Variants in PTGES3 observed in about 807,000 individuals in gnomAD.
PTGES3 encodes Hsp90 co-chaperone.
In PTGES3, 5 loss-of-function variants were observed where a neutral mutation model predicts 29.9. That is an observed-to-expected ratio of 0.17 (90% CI 0.09 to 0.35). The LOEUF is 0.35. Among genes scored for constraint, PTGES3 ranks in the 10% least tolerant of loss-of-function variants. PTGES3 has a pLI of 1.00. For synonymous variants in PTGES3, 49 were observed against 57.8 expected (o/e 0.85, Z 0.69); for missense variants, 128 against 190.0 (o/e 0.67, Z 1.92).
intron 1 of PTGES3, among the ~76,000 whole-genome samples, chr12:56,683,160 C>T (rs1373958887): frequency 6.6e-6 from 1 of 151,666 alleles, no homozygotes; most frequent in Non-Finnish European, 1.5e-5. Flanking sequence ...CCAGCCTGGC[C>T]AAGATGGTGA....
At chr12:56,686,586 A>G (rs1380156421) in intron 1 of PTGES3, among the ~76,000 whole-genome samples, 1 of 152,036 alleles carries the variant, frequency 6.6e-6, no homozygotes, top group African/African-American at 2.4e-5. Flanking sequence ...CATGTTGGTC[A>G]GTCTGGTCTC....
intron 5 of PTGES3, among the ~76,000 whole-genome samples, chr12:56,669,384 C>T (rs756756628): frequency 2.0e-5 from 3 of 151,832 alleles, no homozygotes; most frequent in Non-Finnish European, 2.9e-5. Flanking sequence ...TCTGGGTTCA[C>T]GCGATTCTCC....
intron 1 of PTGES3, among the ~76,000 whole-genome samples, chr12:56,684,013 G>A (rs1449170755): frequency 1.3e-5 from 2 of 150,348 alleles, no homozygotes; most frequent in Admixed American, 1.3e-4. Context: ...TGTAATTGCC[G>A]ATCCACACAG....
At position 56,674,166 on chromosome 12, in the gene PTGES3, A is replaced by G. The variant is rs1317589810; in HGVS notation, c.3-1101T>C. ...TTGTATTTGGAGAAAGTGTCTTTAA[A>G]TGACAAGTAAATATGAGGTCTTAGG... On this transcript the variant is annotated intron_variant, in intron 1 of 7. Coordinates refer to ENST00000262033, the MANE Select transcript of PTGES3 (RefSeq NM_006601.7). Among the ~76,000 whole-genome samples, 3 of 152,170 alleles carry G rather than the reference A, an allele frequency of 2.0e-5. No homozygotes were observed. In the East Asian group the frequency reaches 5.8e-4, roughly 29 times the overall value.
intron 6 of PTGES3, chr12:56,665,742 A>C: frequency 1.3e-6 from 1 of 773,054 alleles, no homozygotes; most frequent in Non-Finnish European, 1.6e-6. Context: ...CCCAGGTTCA[A>C]GCGATTCTCC....
At position 56,672,030 on chromosome 12, in the gene PTGES3, A is replaced by T. The variant is rs564113814; in HGVS notation, c.187-183T>A. 5.3e-5 allele frequency among the ~76,000 whole-genome samples: 8 copies of T among 151,836 alleles called. No homozygotes were observed. The South Asian group carries it at 8.3e-4, about 16-fold the overall frequency. On this transcript the variant is annotated intron_variant, in intron 3 of 7. Transcript: ENST00000262033. ...CCCCAACCCCCTTTAAGTTTCATTT[A>T]AAAAAAAATTTTTTTTTCCCTTCTA...
rs187495963 is a variant in PTGES3 at position 56,666,045 on chromosome 12, T to A, written c.438+159A>T. On this transcript the variant is annotated intron_variant, in intron 6 of 7. Coordinates refer to ENST00000262033, the MANE Select transcript of PTGES3 (RefSeq NM_006601.7). ...CCAGTTCCCTAATAGATACCCCCATTCGTCAAAAATGGGCACATTTTAAAA... is the reference window on the plus strand; with the variant it reads ...CCAGTTCCCTAATAGATACCCCCATACGTCAAAAATGGGCACATTTTAAAA... 686 of 1,391,510 alleles carry A rather than the reference T, an allele frequency of 4.9e-4. 1 individual carries two copies. In the African/African-American group the frequency reaches 9.5e-3, roughly 19 times the overall value. The allele number at this position is 1,391,510 out of a possible 1,614,324, so 86.2% of individuals were successfully genotyped here.
chr12:56,682,613 T>C (rs1431404526), intron 1 of PTGES3, among the ~76,000 whole-genome samples: 1 of 150,454 alleles, frequency 6.6e-6, no homozygotes, highest in Non-Finnish European at 1.5e-5. Context: ...AAGGATCGGG[T>C]GCAGCAGCTC....
chr12:56,667,602 T>C (rs180984570), intron 5 of PTGES3, among the ~76,000 whole-genome samples: 1 of 152,304 alleles, frequency 6.6e-6, no homozygotes, highest in Non-Finnish European at 1.5e-5. Flanking sequence ...TTATATGAGA[T>C]ACCTAAGATT....
At chr12:56,666,106 GAAGT>G (rs777078691) in intron 6 of PTGES3, 94 bp downstream of exon 6, 32 of 1,388,046 alleles carry the variant, frequency 2.3e-5, no homozygotes, top group African/African-American at 6.1e-5. Context: ...TAGAAAATAA[GAAGT>G]AATTGTGAAT....
intron 1 of PTGES3, 95 bp from the exon 2 acceptor site, chr12:56,673,160 C>T (rs1952075561): frequency 4.1e-6 from 3 of 732,886 alleles, no homozygotes; most frequent in Admixed American, 3.6e-5. Flanking sequence ...TATTTCAGGG[C>T]AGTTTGTTAC....
Position 56,687,806 on chromosome 12 carries a change from A to C in PTGES3, c.2+192T>G. 3.5e-6 allele frequency: 5 copies of C among 1,435,120 alleles called. No homozygotes were observed. In the South Asian group the frequency reaches 5.7e-5, roughly 16 times the overall value. 88.9% of individuals were successfully genotyped at this position (1,435,120 alleles called of 1,614,324 possible). A position where few individuals can be genotyped will look rare whatever the true frequency, so the allele number is the denominator to read the frequency against. On this transcript the variant is annotated intron_variant, in intron 1 of 7. Transcript: ENST00000262033. ...CAAGGAACGGTTCAGGGGTGGGGGAAGCAGACATCTGGAGGAAAAATGTCC... is the reference window on the plus strand; with the variant it reads ...CAAGGAACGGTTCAGGGGTGGGGGACGCAGACATCTGGAGGAAAAATGTCC...
intron 4 of PTGES3, among the ~76,000 whole-genome samples, chr12:56,671,091 C>CATGA (rs1951985239): frequency 6.6e-6 from 1 of 151,356 alleles, no homozygotes; most frequent in African/African-American, 2.4e-5. Flanking sequence ...GCATGAGTGG[C>CATGA]ATGAGACTAC....
Position 56,686,773 on chromosome 12 carries a change from G to A in PTGES3, c.2+1225C>T, listed in dbSNP as rs985150146. 9.3e-5 allele frequency: 37 copies of A among 397,902 alleles called. 1 individual carries two copies. The highest frequency in any genetic ancestry group is 6.4e-4 in the African/African-American group (31 of 48,668). 24.6% of individuals were successfully genotyped at this position (397,902 alleles called of 1,614,324 possible). On this transcript the variant is annotated intron_variant, in intron 1 of 7. Coordinates refer to ENST00000262033, the MANE Select transcript of PTGES3 (RefSeq NM_006601.7). ...GCTGTGCTCTAGAAGCTTGTTCCCA[G>A]TGATAAACTCGCTTCAGCCTCACGC... is the stretch of plus-strand genomic sequence containing the variant.
At chr12:56,671,449 T>A (rs1340097054) in intron 4 of PTGES3, among the ~76,000 whole-genome samples, 1 of 152,176 alleles carries the variant, frequency 6.6e-6, no homozygotes, top group Non-Finnish European at 1.5e-5. Flanking sequence ...GAAAACAAAT[T>A]TACTAGTAAG....
intron 1 of PTGES3, among the ~76,000 whole-genome samples, chr12:56,685,340 G>T (rs1387808292): frequency 6.6e-6 from 1 of 150,636 alleles, no homozygotes; most frequent in African/African-American, 2.4e-5. Flanking sequence ...GTTTCCCCCA[G>T]CCCAACACTC....
chr12:56,685,250 G>C (rs967147452), intron 1 of PTGES3, among the ~76,000 whole-genome samples: 1 of 152,084 alleles, frequency 6.6e-6, no homozygotes, highest in Non-Finnish European at 1.5e-5. Context: ...TCTTTAGCTT[G>C]TTAAGAGTCC....
At chr12:56,666,932 T>A in intron 5 of PTGES3, among the ~76,000 whole-genome samples, 1 of 150,934 alleles carries the variant, frequency 6.6e-6, no homozygotes, top group East Asian at 1.9e-4. Flanking sequence ...AAGCCTTTTT[T>A]ATTTTGAGAT....
At chr12:56,672,881 G>C in intron 2 of PTGES3, 71 bp downstream of exon 2, 2 of 1,545,246 alleles carry the variant, frequency 1.3e-6, no homozygotes, top group Non-Finnish European at 8.7e-7. Flanking sequence ...TCAATGAAAA[G>C]ACAAGCCAGT....
Sources: gnomAD v4.1 joint callset for allele counts (sites outside exome capture counted in the v4.1 genomes callset) on GRCh38, gnomAD v4.1.1 for gene constraint, MANE v1.5 for transcripts, NCBI Gene and HGNC (gene_info 2026-07-23, HGNC 2026-07-21) for gene names.